The following ATXN7L1 variants were observed in gnomAD, a reference collection of about 807,000 sequenced individuals.
ATXN7L1 encodes ataxin-7-like protein 1.
A neutral mutation model predicts 70.8 loss-of-function variants in ATXN7L1; 15 were observed. The ratio of observed to expected loss-of-function variants is 0.21; its 90% confidence interval spans 0.14 to 0.33. The LOEUF is 0.33. ATXN7L1 is among the 10% of genes least tolerant of loss of function. ATXN7L1 has a pLI of 1.00. For missense variants in ATXN7L1, 975 were observed against 1,097.1 expected (o/e 0.89, Z 1.57); for synonymous variants, 440 against 445.1 (o/e 0.99, Z 0.14).
intron 5 of ATXN7L1, among the ~76,000 whole-genome samples, chr7:105,641,147 C>G (rs1165909766): frequency 6.8e-6 from 1 of 146,392 alleles, no homozygotes; most frequent in East Asian, 2.0e-4. Context: ...GATTCCCTGG[C>G]TGGTTACCAA....
intron 3 of ATXN7L1, among the ~76,000 whole-genome samples, chr7:105,684,940 G>C (rs914185084): frequency 3.3e-5 from 5 of 152,072 alleles, no homozygotes; most frequent in African/African-American, 1.2e-4. Flanking sequence ...ACTAATGATA[G>C]GCCTCCTCTT....
chr7:105,608,593 T>C (rs1285411237), intron 11 of ATXN7L1, among the ~76,000 whole-genome samples: 1 of 152,078 alleles, frequency 6.6e-6, no homozygotes, highest in East Asian at 1.9e-4. Flanking sequence ...TAGGTACACA[T>C]GACAACCTCT....
At chr7:105,623,090 G>A (rs1270458696) in intron 8 of ATXN7L1, among the ~76,000 whole-genome samples, 3 of 152,140 alleles carry the variant, frequency 2.0e-5, no homozygotes, top group Non-Finnish European at 4.4e-5. Context: ...CCTATTTTCT[G>A]TACTAAACAA....
At chr7:105,824,285 C>G (rs1242807551) in intron 2 of ATXN7L1, among the ~76,000 whole-genome samples, 1 of 152,154 alleles carries the variant, frequency 6.6e-6, no homozygotes, top group Non-Finnish European at 1.5e-5. Flanking sequence ...CACCCTGAAC[C>G]TCCAAGCCGC....
At chr7:105,830,405 G>C (rs1172116901) in intron 2 of ATXN7L1, among the ~76,000 whole-genome samples, 3 of 152,386 alleles carry the variant, frequency 2.0e-5, no homozygotes, top group East Asian at 3.9e-4. Flanking sequence ...TAGAAGAGTT[G>C]TTTAATTCCC....
intron 3 of ATXN7L1, among the ~76,000 whole-genome samples, chr7:105,745,618 C>G (rs1219878660): frequency 6.6e-6 from 1 of 152,166 alleles, no homozygotes; most frequent in East Asian, 1.9e-4. Context: ...GGCTCTTTCC[C>G]CTACTTCACA....
chr7:105,612,823 G>T (rs1477837533), intron 10 of ATXN7L1, among the ~76,000 whole-genome samples: 1 of 152,208 alleles, frequency 6.6e-6, no homozygotes, highest in Non-Finnish European at 1.5e-5. Flanking sequence ...CATAAGTGGT[G>T]ACATAAAACA....
chr7:105,752,373 T>C (rs781780389), intron 3 of ATXN7L1, among the ~76,000 whole-genome samples: 1 of 152,194 alleles, frequency 6.6e-6, no homozygotes, highest in African/African-American at 2.4e-5. Flanking sequence ...AACGTATGTG[T>C]TGCAAAGTGC....
chr7:105,750,892 C>A (rs936637529), intron 3 of ATXN7L1, among the ~76,000 whole-genome samples: 1 of 152,222 alleles, frequency 6.6e-6, no homozygotes, highest in Non-Finnish European at 1.5e-5. Context: ...TCAAAGCCTT[C>A]CACGATCTGG....
At chr7:105,637,020 C>T (rs1305327984) in intron 7 of ATXN7L1, among the ~76,000 whole-genome samples, 2 of 152,206 alleles carry the variant, frequency 1.3e-5, no homozygotes, top group African/African-American at 4.8e-5. Context: ...ACCAACACCC[C>T]ACATGACAGT....
chr7:105,632,453 A>C (rs1796728722), intron 7 of ATXN7L1, among the ~76,000 whole-genome samples: 1 of 152,166 alleles, frequency 6.6e-6, no homozygotes, highest in Admixed American at 6.6e-5. Flanking sequence ...AAAAGAGGTA[A>C]GAGAGCTAAA....
Position 105,614,346 on chromosome 7 carries a change from T to C in ATXN7L1, c.1988A>G (p.Gln663Arg), listed in dbSNP as rs1158005336. Residue 663 changes from glutamine to arginine, a missense_variant, in exon 10 of 12, where the codon CAG (glutamine) becomes CGG (arginine). Around this residue, in one of 5 missense-constraint regions of ATXN7L1, gnomAD observed 635 missense variants for 699.4 expected, o/e 0.91. Coordinates refer to ENST00000419735, the MANE Select transcript of ATXN7L1 (RefSeq NM_020725.2). The surrounding 1 kb of genome is among the most constrained non-coding windows in gnomAD (Gnocchi z 4.3). The part of the protein sequence containing the change: ...SSSSSSSSSL[Q>R]TSLSSPLSGP... ...TGACAGTGGAGACGAGAGGGATGTC[T>C]GCAAGGAAGAGGAGGAGGAGGAGGA... is the stretch of plus-strand genomic sequence containing the variant. 6.4e-7 allele frequency: 1 copy of C among 1,552,334 alleles called. No homozygotes were observed. Among genetic ancestry groups the C allele is most frequent in the East Asian group, 2.4e-5 (1 of 40,914 alleles).
At position 105,614,684 on chromosome 7, in the gene ATXN7L1, C is replaced by G. The variant is rs1380202376; in HGVS notation, c.1650G>C (p.Ser550=). 1 of 1,551,474 alleles carries G rather than the reference C, an allele frequency of 6.4e-7. No homozygotes were observed. The highest frequency in any genetic ancestry group is 1.2e-5 in the South Asian group (1 of 84,054). Residue 550 remains serine (S), a synonymous_variant, in exon 10 of 12, where the codon TCG becomes TCC. Transcript: ENST00000419735. This position sits in a 1 kb window ranked among gnomAD's most constrained non-coding sequence, Gnocchi z 4.3. ...AVYLPSAPIS[S]RLTSSYIMTS... ...TCATTATGTAAGAAGAGGTGAGCCT[C>G]GAGCTGATGGGAGCTGAAGGAAGAT...
At chr7:105,671,052 A>G (rs1475265969) in intron 3 of ATXN7L1, among the ~76,000 whole-genome samples, 1 of 144,530 alleles carries the variant, frequency 6.9e-6, no homozygotes, top group East Asian at 2.2e-4. Flanking sequence ...GCTTGCAGTG[A>G]GCCAAGATGG....
At chr7:105,770,798 C>T (rs1224757948) in intron 3 of ATXN7L1, among the ~76,000 whole-genome samples, 1 of 152,156 alleles carries the variant, frequency 6.6e-6, no homozygotes, top group Non-Finnish European at 1.5e-5. Flanking sequence ...GGAACCATGA[C>T]CTAGAGCTGA....
intron 11 of ATXN7L1, 35 bp from the exon 12 acceptor site, chr7:105,607,925 C>A: frequency 6.5e-7 from 1 of 1,540,852 alleles, no homozygotes; most frequent in South Asian, 1.2e-5. Context: ...TGTTTCAAAA[C>A]CATACAGTTG....
chr7:105,843,558 T>A (rs914638900), intron 2 of ATXN7L1, among the ~76,000 whole-genome samples: 2 of 152,220 alleles, frequency 1.3e-5, no homozygotes, highest in African/African-American at 4.8e-5. Context: ...GTGAGCCCTG[T>A]GAGCCTTTGA....
In ATXN7L1 at chr7:105,680,778, G is replaced by A. The variant is rs567981199; in HGVS notation, c.356-15490C>T. ...ACACAGATGAAAGGGCAGGCCCGAG[G>A]CCTGGGAACCTGAGTCTTTCCAGAG... On this transcript the variant is annotated intron_variant, in intron 3 of 11. Coordinates refer to ENST00000419735, the MANE Select transcript of ATXN7L1 (RefSeq NM_020725.2). 3.1e-3 allele frequency among the ~76,000 whole-genome samples: 475 copies of A among 152,340 alleles called. 3 individuals carry two copies. The highest frequency in any genetic ancestry group is 5.3e-3 in the Non-Finnish European group (363 of 68,032).
At chr7:105,646,548 A>G (rs57672782) in intron 4 of ATXN7L1, among the ~76,000 whole-genome samples, 14 of 151,896 alleles carry the variant, frequency 9.2e-5, no homozygotes, top group Non-Finnish European at 1.9e-4. Context: ...CTCCCAAGTA[A>G]CTGGGATTAT....
Sources: gnomAD v4.1 joint callset for allele counts (sites outside exome capture counted in the v4.1 genomes callset) on GRCh38, gnomAD v4.1.1 for gene constraint, gnomAD v4.1.1 regional missense constraint, Gnocchi (gnomAD v3.1) non-coding constraint, MANE v1.5 for transcripts, NCBI Gene and HGNC (gene_info 2026-07-23, HGNC 2026-07-21) for gene names.